The following PRIMA1 variants were observed in gnomAD, a reference collection of about 807,000 sequenced individuals.
PRIMA1 encodes proline rich membrane anchor 1.
In PRIMA1, 7 loss-of-function variants were observed where a neutral mutation model predicts 17.5. The observed-to-expected ratio is 0.40, with a 90% CI of 0.23 to 0.75. PRIMA1 has a LOEUF of 0.75. Ranked by LOEUF, PRIMA1 falls within the 30% of genes least tolerant of loss-of-function variation. The pLI, the probability that PRIMA1 is intolerant of heterozygous loss-of-function variation, is 0.37. For missense variants in PRIMA1, 200 were observed against 201.8 expected (o/e 0.99, Z 0.05); for synonymous variants, 97 against 77.9 (o/e 1.25, Z -1.29).
intron 4 of PRIMA1, among the ~76,000 whole-genome samples, chr14:93,734,383 A>T (rs60163688): frequency 0.43 from 64,835 of 151,998 alleles, 14,509 homozygotes; most frequent in African/African-American, 0.56. Flanking sequence ...GCTGGGAGCA[A>T]TTCTTCCCCC....
intron 3 of PRIMA1, among the ~76,000 whole-genome samples, chr14:93,756,822 C>T (rs145016616): frequency 1.4e-3 from 216 of 152,232 alleles, no homozygotes; most frequent in African/African-American, 5.0e-3. Context: ...CCGGGTCTTT[C>T]GGACAAGCCT....
At chr14:93,775,231 A>T (rs1370624263) in intron 3 of PRIMA1, among the ~76,000 whole-genome samples, 1 of 152,232 alleles carries the variant, frequency 6.6e-6, no homozygotes. Flanking sequence ...GTGAATCCAG[A>T]GAGATGGCAG....
chr14:93,747,859 GT>G (rs1342473184), intron 3 of PRIMA1, among the ~76,000 whole-genome samples: 1 of 148,722 alleles, frequency 6.7e-6, no homozygotes, highest in Non-Finnish European at 1.5e-5. Flanking sequence ...GTGTATGAGT[GT>G]GTGTGAGTGG....
intron 3 of PRIMA1, among the ~76,000 whole-genome samples, chr14:93,744,303 T>C (rs2141166391): frequency 6.6e-6 from 1 of 152,306 alleles, no homozygotes; most frequent in South Asian, 2.1e-4. Flanking sequence ...CCGGCCACTC[T>C]TCTGCGGTGC....
intron 4 of PRIMA1, among the ~76,000 whole-genome samples, chr14:93,728,049 A>AG (rs2076090573): frequency 6.6e-6 from 1 of 152,146 alleles, no homozygotes; most frequent in South Asian, 2.1e-4. Context: ...AAGGAGGCTG[A>AG]GGGGGTGTCT....
rs2076029733 is a variant in PRIMA1, at chr14:93,720,405, G to C, written c.*1039C>G. ...AGACATTGAAAGGAAGACCCTGGAA[G>C]AACAACACCTCCTTCTTGGCGACTG... On this transcript the variant is annotated 3_prime_UTR_variant, in exon 5 of 5. Coordinates refer to ENST00000393140, the MANE Select transcript of PRIMA1 (RefSeq NM_178013.4). The C allele has an allele frequency of 1.3e-5, 2 of 152,470 alleles. No individual in the cohort carries two copies. Among genetic ancestry groups the C allele is most frequent in the African/African-American group, 4.8e-5 (2 of 41,484 alleles). The allele number at this position is 152,470 out of a possible 1,614,324, so 9.4% of individuals were successfully genotyped here.
chr14:93,780,880 C>T (rs1885357441), intron 2 of PRIMA1, among the ~76,000 whole-genome samples: 1 of 152,200 alleles, frequency 6.6e-6, no homozygotes, highest in South Asian at 2.1e-4. Flanking sequence ...CCTCGACAGC[C>T]ACGGTTGATT....
rs202027086 is a variant in PRIMA1 at position 93,721,561 on chromosome 14, A to C, written c.360-15T>G. 1,583 of 1,563,086 alleles carry C rather than the reference A, an allele frequency of 1.0e-3. 2 individuals are homozygous for C. Among genetic ancestry groups the C allele is most frequent in the Non-Finnish European group, 1.3e-3 (1,469 of 1,135,716 alleles). ...TCAGTGGTTTCCTGGAAGTGGGGGG[A>C]GGGGACAGGAAAGGCAAAGGAGGGG... is the stretch of plus-strand genomic sequence containing the variant. On this transcript the variant is annotated splice_polypyrimidine_tract_variant and intron_variant, in intron 4 of 4. Coordinates refer to ENST00000393140, the MANE Select transcript of PRIMA1 (RefSeq NM_178013.4).
chr14:93,728,923 G>C (rs1296934567), intron 4 of PRIMA1, among the ~76,000 whole-genome samples: 1 of 152,152 alleles, frequency 6.6e-6, no homozygotes. Context: ...GTCTTTATAG[G>C]GGGACAAATA....
chr14:93,766,171 G>C (rs1346755612), intron 3 of PRIMA1, among the ~76,000 whole-genome samples: 2 of 152,168 alleles, frequency 1.3e-5, no homozygotes, highest in Non-Finnish European at 2.9e-5. Flanking sequence ...CACTACGGTA[G>C]CAAACCAATG....
At chr14:93,730,602 T>C (rs1435272991) in intron 4 of PRIMA1, among the ~76,000 whole-genome samples, 1 of 152,152 alleles carries the variant, frequency 6.6e-6, no homozygotes, top group Non-Finnish European at 1.5e-5. Context: ...TGAAGGTTCA[T>C]TCTGGCTCAG....
In PRIMA1 at chr14:93,779,255, G is replaced by A. The variant is rs781170814; in HGVS notation, c.150C>T (p.His50=). 3.9e-6 allele frequency: 6 copies of A among 1,538,976 alleles called. No homozygotes were observed. Among genetic ancestry groups the A allele is most frequent in the South Asian group, 1.3e-5 (1 of 78,870 alleles). The part of the protein sequence containing the change: ...SCSKVTDSCR[H]VCQCRPPPPL... ...GGGGAGGGGGCCGGCACTGGCAGAC[G>A]TGTCGGCAGCTGTCAGTCACTTTGG... The change falls in exon 3 of 5, where the codon CAC becomes CAT. Residue 50 remains histidine, a synonymous_variant. Transcript: ENST00000393140.
At chr14:93,760,615 C>T (rs2076320756) in intron 3 of PRIMA1, among the ~76,000 whole-genome samples, 1 of 152,172 alleles carries the variant, frequency 6.6e-6, no homozygotes, top group Non-Finnish European at 1.5e-5. Flanking sequence ...CTTCTTATCC[C>T]CTCTTGCCTG....
chr14:93,761,167 G>A (rs773745628), intron 3 of PRIMA1, among the ~76,000 whole-genome samples: 4 of 152,004 alleles, frequency 2.6e-5, no homozygotes, highest in Non-Finnish European at 5.9e-5. Context: ...CCAACATGGC[G>A]AAACCCTGTC....
At chr14:93,760,819 A>T (rs1323304110) in intron 3 of PRIMA1, among the ~76,000 whole-genome samples, 13 of 151,680 alleles carry the variant, frequency 8.6e-5, no homozygotes, top group Non-Finnish European at 8.8e-5. Context: ...TTCACACTAC[A>T]TCTGGCACCT....
At chr14:93,779,525 C>T (rs1161223303) in intron 2 of PRIMA1, among the ~76,000 whole-genome samples, 1 of 152,142 alleles carries the variant, frequency 6.6e-6, no homozygotes, top group African/African-American at 2.4e-5. Context: ...GGTTTTCTTC[C>T]TAGCTTTGCC....
At chr14:93,732,730 C>G (rs931458485) in intron 4 of PRIMA1, among the ~76,000 whole-genome samples, 19 of 152,154 alleles carry the variant, frequency 1.2e-4, no homozygotes, top group African/African-American at 4.6e-4. Flanking sequence ...GATGGGGACA[C>G]AAAAGGCTGC....
chr14:93,764,612 A>G (rs906611135), intron 3 of PRIMA1, among the ~76,000 whole-genome samples: 1 of 152,172 alleles, frequency 6.6e-6, no homozygotes, highest in African/African-American at 2.4e-5. Flanking sequence ...TGTTGAATGA[A>G]TAAATGTTTG....
At chr14:93,768,603 G>C (rs1388176664) in intron 3 of PRIMA1, among the ~76,000 whole-genome samples, 1 of 152,140 alleles carries the variant, frequency 6.6e-6, no homozygotes, top group Non-Finnish European at 1.5e-5. Context: ...CACCTTTGTA[G>C]TTCCAGAACT....
Sources: allele counts gnomAD v4.1 joint callset (sites outside exome capture counted in the v4.1 genomes callset), GRCh38; gene constraint gnomAD v4.1.1; transcripts MANE v1.5; gene names NCBI Gene and HGNC (gene_info 2026-07-23, HGNC 2026-07-21).